RALYL: variants seen among roughly 807,000 people sequenced by gnomAD.
RALYL encodes RALY RNA binding protein like.
Under a neutral mutation model 35.1 loss-of-function variants are expected in RALYL, and 29 were observed. The observed-to-expected ratio is 0.83, with a 90% CI of 0.61 to 1.13. The LOEUF is 1.13. Ranked by LOEUF, RALYL falls within the 50% of genes most tolerant of loss-of-function variation. The probability of loss-of-function intolerance (pLI) is 0.00; values close to 1 mark genes in which losing one functional copy is unlikely to be tolerated. For synonymous variants in RALYL, 120 were observed against 127.6 expected, an observed-to-expected ratio of 0.94 and a Z score of 0.40; for missense variants, 359 against 360.4, an observed-to-expected ratio of 1.00 and a Z score of 0.03.
At chr8:84,252,108 A>T (rs1830308714) in intron 1 of RALYL, among the ~76,000 whole-genome samples, 1 of 152,048 alleles carries the variant, frequency 6.6e-6, no homozygotes, top group Non-Finnish European at 1.5e-5. Flanking sequence ...ATAACATGGA[A>T]CCGTTATATT....
chr8:84,787,166 C>T (rs1223208567), intron 3 of RALYL, among the ~76,000 whole-genome samples: 1 of 151,906 alleles, frequency 6.6e-6, no homozygotes. Flanking sequence ...CCTAGCCCCC[C>T]ACCCCCAAAC....
intron 1 of RALYL, among the ~76,000 whole-genome samples, chr8:84,383,863 T>C (rs370135777): frequency 4.0e-5 from 6 of 151,242 alleles, no homozygotes; most frequent in African/African-American, 1.2e-4. Flanking sequence ...TATACCAAGA[T>C]TGAAGAATTG....
intron 2 of RALYL, among the ~76,000 whole-genome samples, chr8:84,717,643 T>G (rs976862635): frequency 1.3e-5 from 2 of 152,230 alleles, no homozygotes; most frequent in Non-Finnish European, 2.9e-5. Context: ...TTTTAAATAT[T>G]GTAATTCAGT....
intron 1 of RALYL, among the ~76,000 whole-genome samples, chr8:84,525,907 T>C (rs759835002): frequency 1.3e-4 from 20 of 151,734 alleles, no homozygotes; most frequent in Non-Finnish European, 2.4e-4. Flanking sequence ...GTGAAAATAG[T>C]GTATTTTATG....
At position 84,811,649 on chromosome 8, in the gene RALYL, G is replaced by A. The variant is rs1252741776; in HGVS notation, c.365+6847G>A. Reference sequence around the variant, plus strand: ...ATTTCTCTTCTTCCTCAGGAATACCGATTATTCTTAGGTTTGGTCATTTAA... The same window carrying A: ...ATTTCTCTTCTTCCTCAGGAATACCAATTATTCTTAGGTTTGGTCATTTAA... On this transcript the variant is annotated intron_variant, in intron 4 of 8. Coordinates refer to ENST00000521268, the MANE Select transcript of RALYL (RefSeq NM_173848.7). 3.9e-5 allele frequency among the ~76,000 whole-genome samples: 6 copies of A among 152,186 alleles called. No individual in the cohort carries two copies. In the South Asian group the frequency reaches 8.3e-4, roughly 21 times the overall value.
chr8:84,263,243 T>C (rs1832647036), intron 1 of RALYL, among the ~76,000 whole-genome samples: 1 of 152,220 alleles, frequency 6.6e-6, no homozygotes, highest in Admixed American at 6.5e-5. Context: ...CTGGGACTCA[T>C]GTATTGATTT....
chr8:84,456,973 T>C (rs1252776028), intron 1 of RALYL, among the ~76,000 whole-genome samples: 2 of 151,986 alleles, frequency 1.3e-5, no homozygotes, highest in South Asian at 2.1e-4. Flanking sequence ...ATACAGTTTA[T>C]GAAACTTACC....
intron 2 of RALYL, among the ~76,000 whole-genome samples, chr8:84,687,472 C>A (rs1837052551): frequency 6.6e-6 from 1 of 152,086 alleles, no homozygotes; most frequent in Admixed American, 6.6e-5. Context: ...TAGACGTAGG[C>A]CTTATTCCAC....
At chr8:84,815,095 T>C (rs534491204) in intron 4 of RALYL, among the ~76,000 whole-genome samples, 120 of 152,318 alleles carry the variant, frequency 7.9e-4, no homozygotes, top group African/African-American at 2.8e-3. Flanking sequence ...CGAAATGTAA[T>C]GTCCACAATC....
chr8:84,562,747 T>C (rs1324630428), intron 2 of RALYL, among the ~76,000 whole-genome samples: 1 of 151,924 alleles, frequency 6.6e-6, no homozygotes, highest in Non-Finnish European at 1.5e-5. Flanking sequence ...GGGGCCCAAC[T>C]AGAGGCCTAC....
chr8:84,490,079 A>ATGTGTGTGTGTG (rs143193843), intron 1 of RALYL, among the ~76,000 whole-genome samples: 102 of 144,464 alleles, frequency 7.1e-4, no homozygotes, highest in South Asian at 1.8e-3. Flanking sequence ...GCTTGCGTGC[A>ATGTGTGTGTGTG]TGTGTGTGTG....
At chr8:84,401,887 A>C (rs1310435113) in intron 1 of RALYL, among the ~76,000 whole-genome samples, 4 of 126,178 alleles carry the variant, frequency 3.2e-5, no homozygotes, top group Non-Finnish European at 6.5e-5. Context: ...TCTCTGCCTC[A>C]AGCACCTTTC....
intron 1 of RALYL, among the ~76,000 whole-genome samples, chr8:84,400,876 T>G (rs2131965424): frequency 6.6e-6 from 1 of 152,332 alleles, no homozygotes; most frequent in African/African-American, 2.4e-5. Context: ...TGTGTTTTAT[T>G]ATTTAATAAG....
chr8:84,462,241 CTTT>C (rs2050884861), intron 1 of RALYL, among the ~76,000 whole-genome samples: 1 of 150,806 alleles, frequency 6.6e-6, no homozygotes, highest in Admixed American at 6.6e-5. Context: ...TGTTTATCTT[CTTT>C]GATGAGATGT....
chr8:84,792,157 G>A (rs1409580559), intron 3 of RALYL, among the ~76,000 whole-genome samples: 1 of 152,232 alleles, frequency 6.6e-6, no homozygotes, highest in Non-Finnish European at 1.5e-5. Context: ...GTGTTAACTA[G>A]CTCAGTACCC....
At chr8:84,853,380 G>A (rs1260476883) in intron 5 of RALYL, among the ~76,000 whole-genome samples, 1 of 152,164 alleles carries the variant, frequency 6.6e-6, no homozygotes, top group Non-Finnish European at 1.5e-5. Context: ...ATGGATGGAT[G>A]GAGATAGATC....
chr8:84,883,866 G>C (rs1376868772), intron 7 of RALYL, among the ~76,000 whole-genome samples: 1 of 152,024 alleles, frequency 6.6e-6, no homozygotes, highest in African/African-American at 2.4e-5. Context: ...GAACTGTTTT[G>C]AGCCTGTTAT....
intron 1 of RALYL, among the ~76,000 whole-genome samples, chr8:84,200,575 G>C (rs558832894): frequency 6.6e-6 from 1 of 151,974 alleles, no homozygotes. Context: ...AATTTTAACT[G>C]TTAACTAAAC....
At chr8:84,217,751 A>G (rs1485841010) in intron 1 of RALYL, among the ~76,000 whole-genome samples, 1 of 152,128 alleles carries the variant, frequency 6.6e-6, no homozygotes, top group African/African-American at 2.4e-5. Flanking sequence ...CTGTTTTCTC[A>G]TTAAAATGGT....
Sources: allele counts gnomAD v4.1 joint callset (sites outside exome capture counted in the v4.1 genomes callset), GRCh38; gene constraint gnomAD v4.1.1; transcripts MANE v1.5; gene names NCBI Gene and HGNC (gene_info 2026-07-23, HGNC 2026-07-21).